IPO7: variants seen among roughly 807,000 people sequenced by gnomAD.
IPO7 encodes the protein importin-7.
A neutral mutation model predicts 136.4 loss-of-function variants in IPO7; 13 were observed. That is an observed-to-expected ratio of 0.10 (90% CI 0.06 to 0.15). The LOEUF (loss-of-function observed/expected upper bound fraction) is 0.15, where lower values mean the gene tolerates loss of function less well. IPO7 is among the 10% of genes least tolerant of loss of function. The probability of loss-of-function intolerance (pLI) is 1.00; values close to 1 mark genes in which losing one functional copy is unlikely to be tolerated. For synonymous variants in IPO7, 403 were observed against 404.4 expected, an observed-to-expected ratio of 1.00 and a Z score of 0.04; for missense variants, 857 against 1,240.6, an observed-to-expected ratio of 0.69 and a Z score of 4.65.
chr11:9,389,110 G>A (rs112136340), intron 1 of IPO7, among the ~76,000 whole-genome samples: 118 of 151,806 alleles, frequency 7.8e-4, no homozygotes, highest in Non-Finnish European at 1.3e-3. Context: ...CTAGAGTGCG[G>A]TGGCATGATC....
intron 16 of IPO7, among the ~76,000 whole-genome samples, chr11:9,431,464 G>GA (rs1855292964): frequency 1.7e-5 from 2 of 120,322 alleles, no homozygotes; most frequent in Non-Finnish European, 3.9e-5. Context: ...TGTAATAATG[G>GA]ATTTTTTTTT....
chr11:9,404,487 A>T (rs961776977), intron 2 of IPO7, among the ~76,000 whole-genome samples: 4 of 152,108 alleles, frequency 2.6e-5, no homozygotes, highest in Admixed American at 1.3e-4. Flanking sequence ...AAAAAATAAA[A>T]AAAAATTGTT....
rs752036302 is a variant in IPO7 at position 9,437,715 on chromosome 11, A to T, written c.2269-39A>T. ...ATTTTTAGAATGTTTGCATGCTATTAATTATAGTCTTAGAATATCTTGCTA... is the reference window on the plus strand; with the variant it reads ...ATTTTTAGAATGTTTGCATGCTATTTATTATAGTCTTAGAATATCTTGCTA... On this transcript the variant is annotated intron_variant, in intron 20 of 24. Coordinates refer to ENST00000379719, the MANE Select transcript of IPO7 (RefSeq NM_006391.3). 2.1e-6 allele frequency: 3 copies of T among 1,401,768 alleles called. No individual in the cohort carries two copies. In the South Asian group the frequency reaches 3.6e-5, roughly 17 times the overall value. 86.8% of individuals were successfully genotyped at this position (1,401,768 alleles called of 1,614,324 possible).
rs1209158342 is a variant in IPO7, at chr11:9,399,166, CT to C, written c.85-4108del. On this transcript the variant is annotated intron_variant, in intron 1 of 24. Transcript: ENST00000379719. ...TTCATGGGAATGGAGAAAATGGATGCTTTTTTTTTTTTTTTTGACAGAGTTT... is the reference window on the plus strand; with the variant it reads ...TTCATGGGAATGGAGAAAATGGATGCTTTTTTTTTTTTTTTGACAGAGTTT... Among the ~76,000 whole-genome samples the C allele has an allele frequency of 4.1e-3, 543 of 133,926 alleles. 2 individuals carry two copies. The highest frequency in any genetic ancestry group is 7.6e-3 in the South Asian group (32 of 4,200). 87.9% of individuals were successfully genotyped at this position (133,926 alleles called of 152,430 possible).
intron 1 of IPO7, among the ~76,000 whole-genome samples, chr11:9,398,394 T>A (rs186046398): frequency 1.3e-5 from 2 of 152,320 alleles, no homozygotes; most frequent in African/African-American, 4.8e-5. Context: ...ATGAGAGCAA[T>A]AGGGAGCCCT....
intron 15 of IPO7, chr11:9,430,515 G>C (rs2133757210): frequency 5.6e-6 from 1 of 177,812 alleles, no homozygotes. Flanking sequence ...TGACCCCCTT[G>C]ATGATTAAAT....
At chr11:9,419,559 A>AAAAAATATATAT (rs1256216265) in intron 6 of IPO7, among the ~76,000 whole-genome samples, 2 of 116,866 alleles carry the variant, frequency 1.7e-5, no homozygotes, top group South Asian at 2.6e-4. Flanking sequence ...AAAAAAAAAA[A>AAAAAATATATAT]ATATATATAT....
chr11:9,408,352 TGTA>T, intron 2 of IPO7, 131 bp from the exon 3 acceptor site: 1 of 452,540 alleles, frequency 2.2e-6, no homozygotes, highest in East Asian at 3.6e-5. Context: ...AATAATTGAA[TGTA>T]GTATTTTGTT....
intron 6 of IPO7, among the ~76,000 whole-genome samples, chr11:9,418,985 T>G (rs1442421833): frequency 6.6e-6 from 1 of 152,372 alleles, no homozygotes; most frequent in Admixed American, 6.5e-5. Context: ...TGTATAGATA[T>G]ATCACAATTT....
At chr11:9,421,001 C>T (rs1429641816) in intron 8 of IPO7, among the ~76,000 whole-genome samples, 1 of 152,026 alleles carries the variant, frequency 6.6e-6, no homozygotes, top group Non-Finnish European at 1.5e-5. Flanking sequence ...TCTTGTTGCC[C>T]AGGTTGGAGT....
chr11:9,400,259 G>A lies in IPO7; in HGVS notation c.85-3031G>A, dbSNP rs1052065130. 3.3e-5 allele frequency among the ~76,000 whole-genome samples: 5 copies of A among 152,150 alleles called. No homozygotes were observed. In the South Asian group the frequency reaches 1.0e-3, roughly 32 times the overall value. On this transcript the variant is annotated intron_variant, in intron 1 of 24. Coordinates refer to ENST00000379719, the MANE Select transcript of IPO7 (RefSeq NM_006391.3). ...TGAATTCATGGATTTGAAACCCACA[G>A]ATATGGGGGCACCGACTGTATTTTA...
intron 4 of IPO7, among the ~76,000 whole-genome samples, chr11:9,412,540 G>A (rs1015935910): frequency 6.6e-6 from 1 of 152,162 alleles, no homozygotes; most frequent in African/African-American, 2.4e-5. Flanking sequence ...GCTGGGGCTG[G>A]GAGCAGTGGC....
chr11:9,395,123 G>A (rs1854690794), intron 1 of IPO7, among the ~76,000 whole-genome samples: 1 of 152,090 alleles, frequency 6.6e-6, no homozygotes. Flanking sequence ...CATCTTCTGA[G>A]GCCTGTATTG....
intron 1 of IPO7, among the ~76,000 whole-genome samples, chr11:9,401,387 G>A (rs758147792): frequency 3.3e-5 from 5 of 151,898 alleles, no homozygotes; most frequent in Non-Finnish European, 7.4e-5. Context: ...AAGATAAAAT[G>A]TTCAGTTCTT....
chr11:9,393,389 CT>C (rs1854663642), intron 1 of IPO7, among the ~76,000 whole-genome samples: 1 of 151,870 alleles, frequency 6.6e-6, no homozygotes, highest in African/African-American at 2.4e-5. Context: ...TTTTCTTTTT[CT>C]TTTTTTCTTG....
At position 9,433,759 on chromosome 11, in the gene IPO7, A is replaced by G; in HGVS notation, c.1987A>G (p.Thr663Ala). 6.2e-7 allele frequency: 1 copy of G among 1,612,020 alleles called. No homozygotes were observed. Among genetic ancestry groups the G allele is most frequent in the Non-Finnish European group, 8.5e-7 (1 of 1,179,840 alleles). ...EEIFSLAHSL[T>A]CQQVSPQMWQ... is the part of the protein sequence containing the mutation. ...GATCTTCTCTTTAGCGCACAGTTTG[A>G]CATGTCAACAAGTGTCTCCACAGAT... is the stretch of plus-strand genomic sequence containing the variant. Residue 663 changes from threonine (T) to alanine (A), a missense_variant, in exon 18 of 25, where the codon ACA (threonine) becomes GCA (alanine). Thr to Ala is a moderately conservative substitution (Grantham distance 58). Coordinates refer to ENST00000379719, the MANE Select transcript of IPO7 (RefSeq NM_006391.3).
chr11:9,414,142 T>C (rs1252028189), intron 4 of IPO7, 113 bp from the exon 5 acceptor site: 3 of 751,602 alleles, frequency 4.0e-6, no homozygotes, highest in East Asian at 6.1e-5. Context: ...TTTCTTTTTC[T>C]AAATTGGTTA....
intron 5 of IPO7, among the ~76,000 whole-genome samples, chr11:9,415,839 A>G (rs1349112127): frequency 1.3e-5 from 2 of 151,988 alleles, no homozygotes; most frequent in Admixed American, 6.6e-5. Flanking sequence ...CTCCGTCCCA[A>G]AAAAAAAGAA....
chr11:9,430,179 G>C (rs1855273752), intron 15 of IPO7, among the ~76,000 whole-genome samples: 1 of 152,130 alleles, frequency 6.6e-6, no homozygotes, highest in Non-Finnish European at 1.5e-5. Flanking sequence ...CCATGGACCG[G>C]TACCAGTCCA....
Sources: gnomAD v4.1 joint callset for allele counts (sites outside exome capture counted in the v4.1 genomes callset) on GRCh38, gnomAD v4.1.1 for gene constraint, MANE v1.5 for transcripts, NCBI Gene and HGNC (gene_info 2026-07-23, HGNC 2026-07-21) for gene names.